C5orf34: variants seen among roughly 807,000 people sequenced by gnomAD.
C5orf34 encodes the protein chromosome 5 open reading frame 34, also known as uncharacterized protein C5orf34.
A neutral mutation model predicts 78.4 loss-of-function variants in C5orf34; 73 were observed. The ratio of observed to expected loss-of-function variants is 0.93; its 90% CI spans 0.77 to 1.13. The LOEUF (loss-of-function observed/expected upper bound fraction) is 1.13. Among genes scored for constraint, C5orf34 ranks in the 50% most tolerant of loss-of-function variants. The pLI is 0.00. For synonymous variants in C5orf34, 251 were observed against 246.6 expected (o/e 1.02, Z -0.17); for missense variants, 730 against 732.7 (o/e 1.00, Z 0.04).
intron 1 of C5orf34, chr5:43,514,124 C>T (rs1265723550): frequency 6.6e-6 from 1 of 152,134 alleles, no homozygotes. Context: ...CACTCCATGC[C>T]CCTGTAACAA....
chr5:43,499,153 T>C (rs945930645), intron 6 of C5orf34, among the ~76,000 whole-genome samples: 4 of 152,202 alleles, frequency 2.6e-5, no homozygotes, highest in African/African-American at 9.6e-5. Context: ...TTGGGTAGCT[T>C]CTTTAATTTG....
At chr5:43,495,534 C>T (rs1003707593) in intron 6 of C5orf34, 2 of 1,610,606 alleles carry the variant, frequency 1.2e-6, no homozygotes, top group African/African-American at 2.7e-5. Context: ...ACATTGAAGC[C>T]CACATTGTCC....
At chr5:43,513,028 C>T (rs1161515911) in intron 1 of C5orf34, among the ~76,000 whole-genome samples, 7 of 151,984 alleles carry the variant, frequency 4.6e-5, no homozygotes, top group Non-Finnish European at 8.8e-5. Context: ...GTGATCCACC[C>T]GTTTTGGCCT....
At chr5:43,513,621 T>A (rs990087798) in intron 1 of C5orf34, among the ~76,000 whole-genome samples, 1 of 152,242 alleles carries the variant, frequency 6.6e-6, no homozygotes, top group Admixed American at 6.5e-5. Context: ...CTCCTACTTC[T>A]ACAGGGCACT....
At chr5:43,492,944 T>A in intron 8 of C5orf34, 54 bp from the exon 9 acceptor site, 5 of 1,292,066 alleles carry the variant, frequency 3.9e-6, no homozygotes, top group Non-Finnish European at 5.4e-6. Flanking sequence ...AGAACAAGAT[T>A]TAAATGAATA....
intron 6 of C5orf34, among the ~76,000 whole-genome samples, chr5:43,498,957 C>A (rs1319710103): frequency 2.6e-5 from 4 of 152,202 alleles, no homozygotes; most frequent in Non-Finnish European, 5.9e-5. Flanking sequence ...CCACACTCGC[C>A]CCAGGCTCTT....
At chr5:43,514,133 A>G (rs982026620) in intron 1 of C5orf34, 6 of 152,132 alleles carry the variant, frequency 3.9e-5, no homozygotes, top group Non-Finnish European at 5.9e-5. Context: ...CCCCTGTAAC[A>G]AGTCCTGTTG....
chr5:43,513,848 T>A (rs1309649548), intron 1 of C5orf34, among the ~76,000 whole-genome samples: 37 of 152,208 alleles, frequency 2.4e-4, no homozygotes, highest in Non-Finnish European at 1.5e-5. Flanking sequence ...CCTCTTCAAG[T>A]TTTTTCTTCA....
At position 43,502,411 on chromosome 5, in the gene C5orf34, G is replaced by A. The variant is rs1232616587; in HGVS notation, c.1113C>T (p.Asn371=). 1 of 1,610,702 alleles carries A rather than the reference G, an allele frequency of 6.2e-7. No individual in the cohort carries two copies. Among genetic ancestry groups the A allele is most frequent in the Non-Finnish European group, 8.5e-7 (1 of 1,177,874 alleles). The change falls in exon 6 of 13, where the codon AAC becomes AAT. Residue 371 remains asparagine (N), a synonymous_variant. Coordinates refer to ENST00000306862, the MANE Select transcript of C5orf34 (RefSeq NM_198566.4). ...CTTGAATAGAATAATAAGTAAAATA[G>A]TTCCCAAAATAAGCCCCTTCTGATT... ...VFKSEGAYFG[N]YFTYYSIQEG...
At chr5:43,493,842 A>G (rs536862469) in intron 7 of C5orf34, among the ~76,000 whole-genome samples, 4 of 152,252 alleles carry the variant, frequency 2.6e-5, no homozygotes, top group East Asian at 3.9e-4. Context: ...ATTTTTAGCA[A>G]TGAAATGATT....
intron 6 of C5orf34, chr5:43,496,161 G>A: frequency 6.6e-7 from 1 of 1,512,312 alleles, no homozygotes; most frequent in Middle Eastern, 2.2e-4. Context: ...TGTTTTTGAT[G>A]AAGTCTCTGA....
chr5:43,514,072 G>C (rs1023637994), intron 1 of C5orf34: 1 of 152,094 alleles, frequency 6.6e-6, no homozygotes, highest in Non-Finnish European at 1.5e-5. Context: ...TGAATTAATG[G>C]TGTCTCATTG....
At chr5:43,495,012 G>T in intron 6 of C5orf34, 2 of 1,321,442 alleles carry the variant, frequency 1.5e-6, no homozygotes, top group Non-Finnish European at 2.2e-6. Flanking sequence ...GAAACAAACA[G>T]TTCTGAGACC....
intron 5 of C5orf34, 145 bp downstream of exon 5, chr5:43,503,520 A>C (rs1359258941): frequency 1.4e-6 from 1 of 715,276 alleles, no homozygotes; most frequent in East Asian, 2.5e-5. Context: ...AGACCTGTAA[A>C]ACTCAGGATC....
chr5:43,490,914 T>A (rs960449175), intron 10 of C5orf34, among the ~76,000 whole-genome samples, 185 bp from the exon 11 acceptor site: 4 of 152,196 alleles, frequency 2.6e-5, no homozygotes, highest in African/African-American at 4.8e-5. Flanking sequence ...ATTTTTTCCA[T>A]TATTCATCAA....
chr5:43,511,278 C>T (rs185717974), intron 1 of C5orf34: 5 of 167,054 alleles, frequency 3.0e-5, no homozygotes, highest in South Asian at 1.4e-4. Context: ...GGAGCCCCTC[C>T]GCCCGGCAGC....
intron 3 of C5orf34, 47 bp downstream of exon 3, chr5:43,508,530 T>A (rs1227344963): frequency 9.1e-7 from 1 of 1,095,374 alleles, no homozygotes; most frequent in Non-Finnish European, 1.4e-6. Context: ...TGTTTCTAGT[T>A]ACTTGTCCTC....
Position 43,493,552 on chromosome 5 carries a change from G to T in C5orf34, c.1305C>A (p.Cys435Ter). The T allele has an allele frequency of 6.5e-7, 1 of 1,545,520 alleles. No homozygotes were observed. Among genetic ancestry groups the T allele is most frequent in the Non-Finnish European group, 8.9e-7 (1 of 1,129,700 alleles). ...LSLSHNYRICCWKMVPGINDS... is the reference protein window; with the variant it reads ...LSLSHNYRIC Reference sequence around the variant, plus strand: ...AATAATTTTAACATACCATTTTCCAGCAGCATATACGATAGTTATGGCTTA... The same window carrying T: ...AATAATTTTAACATACCATTTTCCATCAGCATATACGATAGTTATGGCTTA... Residue 435 changes from cysteine to a stop codon, truncating the protein, a stop_gained, in exon 8 of 13, where the codon TGC (cysteine) becomes TGA (stop). Coordinates refer to ENST00000306862, the MANE Select transcript of C5orf34 (RefSeq NM_198566.4). LOFTEE classifies it high-confidence loss of function.
At chr5:43,490,550 G>A in intron 11 of C5orf34, 81 bp downstream of exon 11, 1 of 868,908 alleles carries the variant, frequency 1.2e-6, no homozygotes, top group African/African-American at 1.7e-5. Context: ...GGGGAAAAAA[G>A]TCTCAGTTTA....
Sources: allele counts gnomAD v4.1 joint callset (sites outside exome capture counted in the v4.1 genomes callset), GRCh38; gene constraint gnomAD v4.1.1; transcripts MANE v1.5; gene names NCBI Gene and HGNC (gene_info 2026-07-23, HGNC 2026-07-21).